CLNK: variants seen among roughly 807,000 people sequenced by gnomAD.
The protein encoded by CLNK is cytokine-dependent hematopoietic cell linker.
In CLNK, 74 loss-of-function variants were observed where a neutral mutation model predicts 68.6. The ratio of observed to expected loss-of-function variants is 1.08; its 90% CI spans 0.89 to 1.31. The LOEUF is 1.31. Among genes scored for constraint, CLNK ranks in the 50% most tolerant of loss-of-function variants. CLNK has a pLI of 0.00. For missense variants in CLNK, 553 were observed against 515.3 expected (o/e 1.07, Z -0.71); for synonymous variants, 198 against 172.2 (o/e 1.15, Z -1.17).
chr4:10,655,204 T>G (rs1187335583), intron 2 of CLNK, among the ~76,000 whole-genome samples: 1 of 152,010 alleles, frequency 6.6e-6, no homozygotes, highest in East Asian at 1.9e-4. Flanking sequence ...AGAAGTTCTC[T>G]CTGTCTCTTG....
intron 18 of CLNK, among the ~76,000 whole-genome samples, chr4:10,494,121 A>G (rs903141027): frequency 6.6e-6 from 1 of 152,202 alleles, no homozygotes; most frequent in Non-Finnish European, 1.5e-5. Flanking sequence ...TTCATTTCCA[A>G]TTTTAAACCA....
chr4:10,512,440 A>T (rs1295222112), intron 16 of CLNK, among the ~76,000 whole-genome samples: 1 of 152,046 alleles, frequency 6.6e-6, no homozygotes, highest in African/African-American at 2.4e-5. Context: ...CATGTTGGTC[A>T]AGCTGGTCTC....
intron 1 of CLNK, among the ~76,000 whole-genome samples, chr4:10,675,232 G>T (rs1724821130): frequency 1.3e-5 from 2 of 152,182 alleles, no homozygotes; most frequent in African/African-American, 4.8e-5. Context: ...GGGTTCTGCA[G>T]ATGAAAGTAT....
the CLNK span, among the ~76,000 whole-genome samples, chr4:10,696,650 G>A: frequency 6.6e-6 from 1 of 152,154 alleles, no homozygotes; most frequent in East Asian, 1.9e-4. Context: ...AACACTCCTT[G>A]GGCATGATAC....
chr4:10,514,609 A>G (rs1183906906), intron 15 of CLNK, among the ~76,000 whole-genome samples: 1 of 150,582 alleles, frequency 6.6e-6, no homozygotes, highest in Non-Finnish European at 1.5e-5. Flanking sequence ...TTCAAGATGG[A>G]TTAAAGATTT....
intron 3 of CLNK, among the ~76,000 whole-genome samples, chr4:10,588,344 C>T (rs545476896): frequency 6.6e-6 from 1 of 152,142 alleles, no homozygotes; most frequent in Non-Finnish European, 1.5e-5. Context: ...ATTTTAGAAT[C>T]AAAGACAAAC....
intron 2 of CLNK, among the ~76,000 whole-genome samples, chr4:10,605,298 T>C (rs1721744422): frequency 1.3e-5 from 2 of 152,280 alleles, no homozygotes; most frequent in Admixed American, 1.3e-4. Flanking sequence ...CGGGAATGTG[T>C]TCTGGGAAGT....
At chr4:10,635,366 G>A (rs958135160) in intron 2 of CLNK, among the ~76,000 whole-genome samples, 13 of 152,064 alleles carry the variant, frequency 8.5e-5, no homozygotes, top group African/African-American at 2.2e-4. Flanking sequence ...CGTTTCCTAC[G>A]GCAGAGACTG....
At position 10,593,286 on chromosome 4, in the gene CLNK, C is replaced by T. The variant is rs562332983; in HGVS notation, c.83+4692G>A. Among the ~76,000 whole-genome samples the T allele has an allele frequency of 6.6e-5, 10 of 152,184 alleles. No homozygotes were observed. The South Asian group carries it at 1.2e-3, about 19-fold the overall frequency. On this transcript the variant is annotated intron_variant, in intron 3 of 18. Transcript: ENST00000226951. ...CCAGAGCAGTCAGGAGAGCGGGCAG[C>T]GGTTATGGCCAGCAGGTTCCTGGGC...
At chr4:10,586,565 G>A (rs78206325) in intron 3 of CLNK, among the ~76,000 whole-genome samples, 6,280 of 151,592 alleles carry the variant, frequency 0.041, 191 homozygotes, top group Middle Eastern at 0.099. Flanking sequence ...CACCCACCTC[G>A]GCCTCCCACA....
At chr4:10,658,132 T>C (rs1724051935) in intron 2 of CLNK, among the ~76,000 whole-genome samples, 1 of 152,178 alleles carries the variant, frequency 6.6e-6, no homozygotes, top group African/African-American at 2.4e-5. Flanking sequence ...TTGCTCCAAG[T>C]AGAATAACCA....
intron 2 of CLNK, among the ~76,000 whole-genome samples, chr4:10,652,309 C>T (rs753482368): frequency 7.8e-6 from 1 of 128,996 alleles, no homozygotes; most frequent in Non-Finnish European, 1.5e-5. Flanking sequence ...TTGAACCCAG[C>T]AGGTGGAGGT....
chr4:10,509,246 A>T (rs896066459), intron 16 of CLNK, among the ~76,000 whole-genome samples: 2 of 152,110 alleles, frequency 1.3e-5, no homozygotes, highest in African/African-American at 2.4e-5. Context: ...AAATACTGAG[A>T]TTCTGATTCT....
rs1716487367 is a variant in CLNK, at chr4:10,489,731, A to G, written c.*736T>C. On this transcript the variant is annotated 3_prime_UTR_variant, in exon 19 of 19. Coordinates refer to ENST00000226951, the MANE Select transcript of CLNK (RefSeq NM_052964.4). The stretch of plus-strand genomic sequence containing the variant: ...GGCTGGATTGGAGTGCAGTGGCGCG[A>G]TTTCGGCTCACTGCAAGCTCCGCCT... The G allele has an allele frequency of 2.4e-5, 1 of 42,486 alleles. No individual in the cohort carries two copies. The highest frequency in any genetic ancestry group is 5.9e-5 in the Non-Finnish European group (1 of 17,060). The allele number at this position is 42,486 out of a possible 1,614,324, so 2.6% of individuals were successfully genotyped here.
intron 16 of CLNK, among the ~76,000 whole-genome samples, chr4:10,509,692 A>C (rs1209204052): frequency 6.6e-6 from 1 of 151,990 alleles, no homozygotes; most frequent in Non-Finnish European, 1.5e-5. Flanking sequence ...TGCCCGGCTA[A>C]TTTTTGTATT....
At chr4:10,527,314 A>T (rs1718359005) in intron 13 of CLNK, among the ~76,000 whole-genome samples, 1 of 152,194 alleles carries the variant, frequency 6.6e-6, no homozygotes, top group Admixed American at 6.5e-5. Flanking sequence ...CCCATGGGGA[A>T]TCCATAAACC....
intron 2 of CLNK, among the ~76,000 whole-genome samples, chr4:10,653,282 A>G (rs966841871): frequency 3.3e-5 from 5 of 152,108 alleles, no homozygotes; most frequent in African/African-American, 1.2e-4. Context: ...TGGCATGTGT[A>G]TACCTATGTG....
In CLNK at chr4:10,490,165, G is replaced by A. The variant is rs1353842768; in HGVS notation, c.*302C>T. The stretch of plus-strand genomic sequence containing the variant: ...CCTGTATCATGAGCATAATGGCTAT[G>A]TTTATAGTATTTTTTGTTGTTGTTT... On this transcript the variant is annotated 3_prime_UTR_variant, in exon 19 of 19. Coordinates refer to ENST00000226951, the MANE Select transcript of CLNK (RefSeq NM_052964.4). 2 of 281,918 alleles carry A rather than the reference G, an allele frequency of 7.1e-6. No individual in the cohort carries two copies. The highest frequency in any genetic ancestry group is 6.6e-6 in the Non-Finnish European group (1 of 151,204). 17.5% of individuals were successfully genotyped at this position (281,918 alleles called of 1,614,324 possible).
intron 2 of CLNK, among the ~76,000 whole-genome samples, chr4:10,666,333 A>G (rs1478370204): frequency 6.6e-6 from 1 of 152,130 alleles, no homozygotes; most frequent in African/African-American, 2.4e-5. Flanking sequence ...ACAAACCTCC[A>G]ATTTGTCTAT....
Sources: allele counts gnomAD v4.1 joint callset (sites outside exome capture counted in the v4.1 genomes callset), GRCh38; gene constraint gnomAD v4.1.1; transcripts MANE v1.5; gene names NCBI Gene and HGNC (gene_info 2026-07-23, HGNC 2026-07-21).